The following CACNB2 variants were observed in gnomAD, a reference collection of about 807,000 sequenced individuals.
CACNB2 encodes voltage-dependent L-type calcium channel subunit beta-2.
CACNB2 carries 42 observed loss-of-function variants against 73.3 expected under a neutral mutation model. That is an observed-to-expected ratio of 0.57 (90% CI 0.45 to 0.74). The LOEUF is 0.74. Ranked by LOEUF, CACNB2 falls within the 30% of genes least tolerant of loss-of-function variation. The pLI is 0.00. For missense variants in CACNB2, 940 were observed against 853.0 expected (o/e 1.10, Z -1.27); for synonymous variants, 348 against 310.3 (o/e 1.12, Z -1.28).
At chr10:18,299,320 T>C (rs2039412096) in intron 2 of CACNB2, among the ~76,000 whole-genome samples, 2 of 152,222 alleles carry the variant, frequency 1.3e-5, no homozygotes, top group Admixed American at 1.3e-4. Context: ...TGGATGATCA[T>C]GGTGGGAAGG....
rs536317630 is a variant in CACNB2, at chr10:18,526,709, A to AT, written c.945-878dup. On this transcript the variant is annotated intron_variant, in intron 9 of 13. Coordinates refer to ENST00000324631, the MANE Select transcript of CACNB2 (RefSeq NM_201596.3). ...TACTCCCAATTCAATATTGTCTCTC[A>AT]TAATACCCTGTATGTTCTTTCCACA... is the stretch of plus-strand genomic sequence containing the variant. 2.6e-3 allele frequency among the ~76,000 whole-genome samples: 390 copies of AT among 152,308 alleles called. 3 individuals carry two copies. The highest frequency in any genetic ancestry group is 8.2e-3 in the African/African-American group (342 of 41,570).
chr10:18,499,343 C>T (rs555298937), intron 4 of CACNB2, among the ~76,000 whole-genome samples: 276 of 152,228 alleles, frequency 1.8e-3, no homozygotes, highest in Non-Finnish European at 3.2e-3. Flanking sequence ...TAGGGCTGGG[C>T]CCGGTGGCTC....
intron 3 of CACNB2, among the ~76,000 whole-genome samples, chr10:18,448,257 G>T (rs1003392365): frequency 6.6e-6 from 1 of 152,040 alleles, no homozygotes; most frequent in Non-Finnish European, 1.5e-5. Flanking sequence ...GCCAAGGTGG[G>T]CAGATCACCT....
At chr10:18,473,329 C>T (rs866405065) in intron 3 of CACNB2, among the ~76,000 whole-genome samples, 3 of 152,126 alleles carry the variant, frequency 2.0e-5, no homozygotes, top group African/African-American at 7.2e-5. Flanking sequence ...TTGATAAATA[C>T]ACAGGTAATA....
intron 2 of CACNB2, among the ~76,000 whole-genome samples, chr10:18,377,937 A>T (rs1182118409): frequency 6.6e-6 from 1 of 152,216 alleles, no homozygotes; most frequent in Non-Finnish European, 1.5e-5. Flanking sequence ...GAGTAAAATT[A>T]TAATTATGAT....
At chr10:18,497,502 A>G (rs1010309936) in intron 3 of CACNB2, among the ~76,000 whole-genome samples, 3 of 152,100 alleles carry the variant, frequency 2.0e-5, no homozygotes, top group Admixed American at 6.6e-5. Context: ...TCACTGCAGC[A>G]TAGACCCCCT....
At chr10:18,374,308 A>G (rs565491996) in intron 2 of CACNB2, among the ~76,000 whole-genome samples, 2 of 152,344 alleles carry the variant, frequency 1.3e-5, no homozygotes, top group African/African-American at 4.8e-5. Context: ...TGGAATCACA[A>G]GATCACCTTT....
At chr10:18,439,253 G>A (rs755432775) in intron 3 of CACNB2, among the ~76,000 whole-genome samples, 6 of 152,154 alleles carry the variant, frequency 3.9e-5, no homozygotes, top group Non-Finnish European at 5.9e-5. Flanking sequence ...AAGAATATGC[G>A]GAAGCTAATG....
intron 2 of CACNB2, among the ~76,000 whole-genome samples, chr10:18,283,357 A>C (rs541222007): frequency 6.6e-6 from 1 of 152,286 alleles, no homozygotes; most frequent in South Asian, 2.1e-4. Context: ...GCTGCGATAA[A>C]GACACATGCA....
intron 2 of CACNB2, among the ~76,000 whole-genome samples, chr10:18,205,330 A>G (rs768643451): frequency 5.9e-5 from 9 of 152,216 alleles, no homozygotes; most frequent in Non-Finnish European, 1.3e-4. Flanking sequence ...TATTGTGAGA[A>G]TTGAATGGGA....
intron 7 of CACNB2, among the ~76,000 whole-genome samples, chr10:18,515,942 A>G (rs2051231394): frequency 6.6e-6 from 1 of 152,172 alleles, no homozygotes; most frequent in Non-Finnish European, 1.5e-5. Flanking sequence ...GCAGGGCGCA[A>G]TGGCTCACAC....
chr10:18,508,080 C>G (rs2050585762), intron 6 of CACNB2, among the ~76,000 whole-genome samples: 1 of 152,048 alleles, frequency 6.6e-6, no homozygotes, highest in African/African-American at 2.4e-5. Flanking sequence ...CAGCCATTGG[C>G]AAACTAAGAT....
At chr10:18,367,856 C>T (rs990127862) in intron 2 of CACNB2, among the ~76,000 whole-genome samples, 1 of 152,094 alleles carries the variant, frequency 6.6e-6, no homozygotes, top group Admixed American at 6.5e-5. Flanking sequence ...GTTTCTGCTT[C>T]CTTAATATCT....
intron 2 of CACNB2, chr10:18,340,775 G>A: frequency 6.4e-7 from 1 of 1,566,212 alleles, no homozygotes; most frequent in Non-Finnish European, 8.6e-7. Flanking sequence ...CACTAACTAA[G>A]ACTACACACC....
Position 18,291,573 on chromosome 10 carries a change from A to T in CACNB2, c.214-110351A>T, listed in dbSNP as rs140985799. On this transcript the variant is annotated intron_variant, in intron 2 of 13. Transcript: ENST00000324631. ...CCCAGAAGGAAGATGGGCTATGGGA[A>T]GGTTACTTTCGCTGTTACTTATGAT... Among the ~76,000 whole-genome samples the T allele has an allele frequency of 2.3e-3, 348 of 152,352 alleles. 1 individual carries two copies. The highest frequency in any genetic ancestry group is 3.2e-3 in the Non-Finnish European group (217 of 68,034).
chr10:18,509,495 A>G (rs1480295771), intron 6 of CACNB2, among the ~76,000 whole-genome samples: 1 of 152,128 alleles, frequency 6.6e-6, no homozygotes, highest in Admixed American at 6.5e-5. Context: ...CTTTAACACC[A>G]AAACTTAAAT....
intron 2 of CACNB2, among the ~76,000 whole-genome samples, chr10:18,392,545 T>C (rs1370914916): frequency 1.3e-5 from 2 of 152,150 alleles, no homozygotes; most frequent in African/African-American, 4.8e-5. Flanking sequence ...TGCATTATTT[T>C]TTCTGCAAAG....
At chr10:18,289,090 T>C (rs2038935259) in intron 2 of CACNB2, among the ~76,000 whole-genome samples, 1 of 152,072 alleles carries the variant, frequency 6.6e-6, no homozygotes, top group Non-Finnish European at 1.5e-5. Context: ...CAGTTTTGTG[T>C]CTATTTTAAT....
At chr10:18,283,619 A>G (rs1346901973) in intron 2 of CACNB2, among the ~76,000 whole-genome samples, 1 of 140,668 alleles carries the variant, frequency 7.1e-6, no homozygotes, top group East Asian at 2.3e-4. Context: ...AAACTGAACA[A>G]TGAGAACACT....
Sources: allele counts gnomAD v4.1 joint callset (sites outside exome capture counted in the v4.1 genomes callset), GRCh38; gene constraint gnomAD v4.1.1; transcripts MANE v1.5; gene names NCBI Gene and HGNC (gene_info 2026-07-23, HGNC 2026-07-21).